The following IGF2BP2 variants were observed in gnomAD, a reference collection of about 807,000 sequenced individuals.
The protein encoded by IGF2BP2 is insulin like growth factor 2 mRNA binding protein 2.
IGF2BP2 carries 17 observed loss-of-function variants against 75.8 expected under a neutral mutation model. That is an observed-to-expected ratio of 0.22 (90% CI 0.15 to 0.34). IGF2BP2 has a LOEUF of 0.34. Among genes scored for constraint, IGF2BP2 ranks in the 10% least tolerant of loss-of-function variants. IGF2BP2 has a pLI of 1.00. For missense variants in IGF2BP2, 516 were observed against 772.4 expected, an observed-to-expected ratio of 0.67 and a Z score of 3.93; for synonymous variants, 288 against 295.6, an observed-to-expected ratio of 0.97 and a Z score of 0.26.
chr3:185,666,796 A>C (rs1458441627), intron 10 of IGF2BP2, among the ~76,000 whole-genome samples: 1 of 152,208 alleles, frequency 6.6e-6, no homozygotes, highest in African/African-American at 2.4e-5. Flanking sequence ...AGGAAAATAT[A>C]AATCAACAAA....
chr3:185,649,465 C>G lies in IGF2BP2; in HGVS notation c.1531G>C (p.Glu511Gln). 2 of 1,614,154 alleles carry G rather than the reference C, an allele frequency of 1.2e-6. No individual in the cohort carries two copies. The highest frequency in any genetic ancestry group is 1.7e-6 in the Non-Finnish European group (2 of 1,180,032). Residue 511 changes from glutamate (E) to glutamine (Q), a missense_variant, in exon 14 of 16, where the codon GAA (glutamate) becomes CAA (glutamine). By Grantham distance (29) the Glu-to-Gln change is conservative. This residue lies in a region of IGF2BP2 where 129 missense variants were observed against 230.5 expected (regional missense o/e 0.56). Transcript: ENST00000382199. Reference sequence around the variant, plus strand: ...GAAGAGGGCACTCTGATATGCGCTTCCAGCTTCACTTCTTCTTTGGGGTTA... The same window carrying G: ...GAAGAGGGCACTCTGATATGCGCTTGCAGCTTCACTTCTTCTTTGGGGTTA... ...FFNPKEEVKL[E>Q]AHIRVPSSTA...
chr3:185,682,629 G>T (rs577908371), intron 7 of IGF2BP2, among the ~76,000 whole-genome samples: 1 of 152,274 alleles, frequency 6.6e-6, no homozygotes, highest in African/African-American at 2.4e-5. Context: ...CAAAGGATTT[G>T]AATAGACATT....
At chr3:185,757,771 T>C (rs570679637) in intron 2 of IGF2BP2, among the ~76,000 whole-genome samples, 2 of 152,284 alleles carry the variant, frequency 1.3e-5, no homozygotes, top group African/African-American at 4.8e-5. Flanking sequence ...CTATAGCTCA[T>C]GTATTTTTAA....
chr3:185,735,155 T>TG (rs1443545538), intron 2 of IGF2BP2, among the ~76,000 whole-genome samples: 1 of 151,898 alleles, frequency 6.6e-6, no homozygotes, highest in African/African-American at 2.4e-5. Flanking sequence ...TCCTTTTTTT[T>TG]TTTTTTTTGA....
chr3:185,739,093 A>T (rs1729205132), intron 2 of IGF2BP2, among the ~76,000 whole-genome samples: 1 of 152,230 alleles, frequency 6.6e-6, no homozygotes, highest in African/African-American at 2.4e-5. Flanking sequence ...GTGTTTTCAC[A>T]TATCTTTGGT....
intron 2 of IGF2BP2, among the ~76,000 whole-genome samples, chr3:185,792,765 C>CA (rs57107858): frequency 0.096 from 8,933 of 93,528 alleles, 397 homozygotes; most frequent in African/African-American, 0.17. Context: ...GACTCCGTCT[C>CA]AAAAAAAAAA....
At chr3:185,680,899 A>G (rs1577947221) in intron 7 of IGF2BP2, among the ~76,000 whole-genome samples, 1 of 152,326 alleles carries the variant, frequency 6.6e-6, no homozygotes, top group South Asian at 2.1e-4. Context: ...CTTTCATGAT[A>G]AAAAACACCC....
intron 2 of IGF2BP2, among the ~76,000 whole-genome samples, chr3:185,733,495 G>A (rs184749646): frequency 1.5e-4 from 23 of 152,282 alleles, no homozygotes; most frequent in South Asian, 1.2e-3. Context: ...GGTGGCTCAC[G>A]CCTGTAATCC....
At chr3:185,726,349 T>TCCAA (rs1170739893) in intron 2 of IGF2BP2, among the ~76,000 whole-genome samples, 3 of 152,120 alleles carry the variant, frequency 2.0e-5, no homozygotes, top group Non-Finnish European at 4.4e-5. Flanking sequence ...TGAATGAAAT[T>TCCAA]ACAAACCCTG....
chr3:185,775,667 T>A (rs1022553565), intron 2 of IGF2BP2, among the ~76,000 whole-genome samples: 5 of 152,154 alleles, frequency 3.3e-5, no homozygotes, highest in African/African-American at 1.2e-4. Flanking sequence ...AAAAGCAATG[T>A]ATGAAAGGTC....
chr3:185,798,115 C>T (rs1235274580), intron 2 of IGF2BP2, among the ~76,000 whole-genome samples: 2 of 151,936 alleles, frequency 1.3e-5, no homozygotes, highest in South Asian at 2.1e-4. Context: ...GCAAGAGAAT[C>T]GCTTGAACCC....
At chr3:185,655,497 C>T (rs985428808) in intron 12 of IGF2BP2, among the ~76,000 whole-genome samples, 1 of 152,188 alleles carries the variant, frequency 6.6e-6, no homozygotes, top group Non-Finnish European at 1.5e-5. Flanking sequence ...TGCTATGGAG[C>T]GAGGCAGGGG....
At chr3:185,700,816 A>G (rs1723189993) in intron 2 of IGF2BP2, among the ~76,000 whole-genome samples, 1 of 152,230 alleles carries the variant, frequency 6.6e-6, no homozygotes, top group Non-Finnish European at 1.5e-5. Context: ...TTTACCAACG[A>G]GAGATGAATA....
At chr3:185,681,090 A>G (rs1231288150) in intron 7 of IGF2BP2, among the ~76,000 whole-genome samples, 1 of 152,216 alleles carries the variant, frequency 6.6e-6, no homozygotes, top group African/African-American at 2.4e-5. Flanking sequence ...AGTCCTAGCC[A>G]GAGCAATTAG....
At chr3:185,658,552 G>T in intron 10 of IGF2BP2, 143 bp from the exon 11 acceptor site, 1 of 635,142 alleles carries the variant, frequency 1.6e-6, no homozygotes, top group Non-Finnish European at 2.8e-6. Context: ...CTGTCCCTCT[G>T]TGTCTCAGAT....
intron 7 of IGF2BP2, among the ~76,000 whole-genome samples, chr3:185,676,767 A>G (rs1358015507): frequency 7.9e-6 from 1 of 127,374 alleles, no homozygotes; most frequent in African/African-American, 2.6e-5. Context: ...ATATATATAT[A>G]TATGGAGATA....
chr3:185,784,213 C>T (rs531099955), intron 2 of IGF2BP2, among the ~76,000 whole-genome samples: 3 of 152,126 alleles, frequency 2.0e-5, no homozygotes, highest in South Asian at 2.1e-4. Flanking sequence ...CCAGCCTGGG[C>T]GACAGAGTGA....
At chr3:185,769,857 A>G (rs1733643994) in intron 2 of IGF2BP2, among the ~76,000 whole-genome samples, 2 of 151,418 alleles carry the variant, frequency 1.3e-5, no homozygotes, top group African/African-American at 4.8e-5. Context: ...AAAAAAAGAA[A>G]CAATTTCATC....
chr3:185,652,059 G>C (rs757887704), intron 13 of IGF2BP2, 35 bp downstream of exon 13: 2 of 1,571,380 alleles, frequency 1.3e-6, no homozygotes, highest in East Asian at 2.3e-5. Flanking sequence ...TCTGTGCCCA[G>C]AGCCTGCAGG....
Sources: allele counts gnomAD v4.1 joint callset (sites outside exome capture counted in the v4.1 genomes callset), GRCh38; gene constraint gnomAD v4.1.1; regional missense constraint gnomAD v4.1.1; transcripts MANE v1.5; gene names NCBI Gene and HGNC (gene_info 2026-07-23, HGNC 2026-07-21).